TAF2: variants seen among roughly 807,000 people sequenced by gnomAD.
TAF2 encodes TATA-box binding protein associated factor 2.
In TAF2, 61 loss-of-function variants were observed where a neutral mutation model predicts 138.5. That is an observed-to-expected ratio of 0.44 (90% confidence interval 0.36 to 0.54). The LOEUF (loss-of-function observed/expected upper bound fraction) is 0.54, where lower values mean the gene tolerates loss of function less well. TAF2 is among the 20% of genes least tolerant of loss of function. The pLI, the probability that TAF2 is intolerant of heterozygous loss-of-function variation, is 0.00. For missense variants in TAF2, 1,090 were observed against 1,427.9 expected, an observed-to-expected ratio of 0.76 and a Z score of 3.81; for synonymous variants, 475 against 469.9, an observed-to-expected ratio of 1.01 and a Z score of -0.14.
chr8:119,742,719 A>AT lies in TAF2; in HGVS notation c.3215-64_3215-63insA, dbSNP rs1357802363. 3.8e-6 allele frequency: 6 copies of AT among 1,584,740 alleles called. No homozygotes were observed. The African/African-American group carries it at 4.1e-5, about 11-fold the overall frequency. The stretch of plus-strand genomic sequence containing the variant: ...TCTTTGTTTCCCAAAAGAAAAAAAA[A>AT]GGCTGACAGGTTTTTATAAGCTAGC... On this transcript the variant is annotated intron_variant, in intron 24 of 25. Transcript: ENST00000378164.
In TAF2 at chr8:119,758,103, A is replaced by G. The variant is rs753619496; in HGVS notation, c.2738T>C (p.Met913Thr). Residue 913 changes from methionine to threonine, a missense_variant, in exon 21 of 26, where the codon ATG becomes ACG. Coordinates refer to ENST00000378164, the MANE Select transcript of TAF2 (RefSeq NM_003184.4). Reference sequence around the variant, plus strand: ...ATAGGGTACAGGGTCATTCTGAATCATATTAAGTAGCCATTGCAGTTCTTC... The same window carrying G: ...ATAGGGTACAGGGTCATTCTGAATCGTATTAAGTAGCCATTGCAGTTCTTC... ...SYEELQWLLN[M>T]IQNDPVPYVR... 1.9e-6 allele frequency: 3 copies of G among 1,613,418 alleles called. No individual in the cohort carries two copies. Among genetic ancestry groups the G allele is most frequent in the Non-Finnish European group, 2.5e-6 (3 of 1,179,710 alleles).
chr8:119,777,972 T>C, intron 18 of TAF2, 47 bp downstream of exon 18: 2 of 1,017,030 alleles, frequency 2.0e-6, no homozygotes, highest in South Asian at 2.9e-5. Context: ...TTAAGAAAAT[T>C]ATCTAAGACA....
intron 22 of TAF2, among the ~76,000 whole-genome samples, chr8:119,749,363 C>G (rs1474218714): frequency 6.6e-6 from 1 of 151,952 alleles, no homozygotes; most frequent in African/African-American, 2.4e-5. Flanking sequence ...TTTCTGTCTT[C>G]TAAAAATGAA....
At position 119,801,994 on chromosome 8, in the gene TAF2, C is replaced by T. The variant is rs1213607388; in HGVS notation, c.592G>A (p.Glu198Lys). 2 of 1,613,942 alleles carry T rather than the reference C, an allele frequency of 1.2e-6. No homozygotes were observed. The highest frequency in any genetic ancestry group is 8.5e-7 in the Non-Finnish European group (1 of 1,179,964). ...FWFPCVDSYS[E>K]LCTWKLEFTV... ...AATTCTAATTTCCATGTACACAATT[C>T]AGAGTATGAATCAACACAAGGGAAC... Residue 198 changes from glutamate (E) to lysine (K), a missense_variant, in exon 6 of 26, where the codon GAA (glutamate) becomes AAA (lysine). Coordinates refer to ENST00000378164, the MANE Select transcript of TAF2 (RefSeq NM_003184.4).
intron 20 of TAF2, among the ~76,000 whole-genome samples, chr8:119,760,251 T>C (rs1387154570): frequency 1.3e-5 from 2 of 152,316 alleles, no homozygotes; most frequent in South Asian, 2.1e-4. Flanking sequence ...TCTAGTCCTC[T>C]ACTTTCACAG....
intron 2 of TAF2, 32 bp downstream of exon 2, chr8:119,831,645 T>C (rs751950334): frequency 2.0e-6 from 3 of 1,527,364 alleles, no homozygotes; most frequent in African/African-American, 2.7e-5. Context: ...AGTGGACTTG[T>C]TACTATTTAT....
intron 25 of TAF2, among the ~76,000 whole-genome samples, chr8:119,737,761 G>A (rs1819326693): frequency 1.3e-5 from 2 of 151,860 alleles, no homozygotes; most frequent in Admixed American, 6.6e-5. Flanking sequence ...CCCCACCTTG[G>A]CCTCCCAAAG....
In TAF2 at chr8:119,763,150, T is replaced by C. The variant is rs530370646; in HGVS notation, c.2365-542A>G. 5.9e-5 allele frequency among the ~76,000 whole-genome samples: 9 copies of C among 152,292 alleles called. No individual in the cohort carries two copies. The South Asian group carries it at 1.9e-3, about 32-fold the overall frequency. On this transcript the variant is annotated intron_variant, in intron 18 of 25. Coordinates refer to ENST00000378164, the MANE Select transcript of TAF2 (RefSeq NM_003184.4). Reference sequence around the variant, plus strand: ...ATCTGCCCGCTATTGACTTCTATTGTGGAGGCAGAAGCTCACACTGACACA... The same window carrying C: ...ATCTGCCCGCTATTGACTTCTATTGCGGAGGCAGAAGCTCACACTGACACA...
intron 11 of TAF2, among the ~76,000 whole-genome samples, 194 bp from the exon 12 acceptor site, chr8:119,789,940 T>C (rs578000365): frequency 9.1e-4 from 139 of 152,144 alleles, no homozygotes; most frequent in Non-Finnish European, 7.1e-4. Flanking sequence ...TACAAAACCA[T>C]TCTTCATATA....
chr8:119,747,066 T>C (rs1820028307), intron 22 of TAF2, 132 bp from the exon 23 acceptor site: 1 of 923,222 alleles, frequency 1.1e-6, no homozygotes, highest in Non-Finnish European at 1.7e-6. Flanking sequence ...TCTTACAAAA[T>C]GAATACTAGA....
chr8:119,767,710 GC>G (rs1348919696), intron 18 of TAF2, among the ~76,000 whole-genome samples: 1 of 152,244 alleles, frequency 6.6e-6, no homozygotes, highest in Non-Finnish European at 1.5e-5. Flanking sequence ...GTACAGAGCA[GC>G]AGGCAGACAG....
Position 119,797,680 on chromosome 8 carries a change from G to A in TAF2, c.959C>T (p.Ala320Val), listed in dbSNP as rs1823926674. The change falls in exon 7 of 26, where the codon GCT becomes GTT. Residue 320 changes from alanine (A) to valine (V), a missense_variant. By Grantham distance (64) the Ala-to-Val change is moderately conservative. Transcript: ENST00000378164. ...DEAYVEVAAY[A>V]SMSIFSTNLL... ...TACCAACCTAAAAATGCTCATGGAAGCATAAGCAGCCACTTCAACATAAGC... is the reference window on the plus strand; with the variant it reads ...TACCAACCTAAAAATGCTCATGGAAACATAAGCAGCCACTTCAACATAAGC... The A allele has an allele frequency of 6.2e-7, 1 of 1,612,990 alleles. No homozygotes were observed. The highest frequency in any genetic ancestry group is 1.7e-5 in the Admixed American group (1 of 59,970).
chr8:119,763,738 C>T lies in TAF2; in HGVS notation c.2365-1130G>A, dbSNP rs1465122216. ...GAGCAGGACTCCGTCTCAAGTGAGC[C>T]GAGACTGCACCACTGTACTCTATTT... On this transcript the variant is annotated intron_variant, in intron 18 of 25. Coordinates refer to ENST00000378164, the MANE Select transcript of TAF2 (RefSeq NM_003184.4). Among the ~76,000 whole-genome samples, 5 of 151,612 alleles carry T rather than the reference C, an allele frequency of 3.3e-5. No individual in the cohort carries two copies. In the South Asian group the frequency reaches 6.3e-4, roughly 19 times the overall value.
intron 20 of TAF2, among the ~76,000 whole-genome samples, chr8:119,759,450 A>G (rs1433946803): frequency 6.6e-6 from 1 of 152,118 alleles, no homozygotes; most frequent in Non-Finnish European, 1.5e-5. Context: ...CTCCTTCCAC[A>G]GTCAGATAAA....
At chr8:119,770,484 T>A (rs1319892241) in intron 18 of TAF2, among the ~76,000 whole-genome samples, 1 of 152,152 alleles carries the variant, frequency 6.6e-6, no homozygotes, top group African/African-American at 2.4e-5. Context: ...GAATTTTATA[T>A]CCTGCCAAAC....
intron 9 of TAF2, among the ~76,000 whole-genome samples, chr8:119,793,916 G>C (rs1823628666): frequency 6.6e-6 from 1 of 150,506 alleles, no homozygotes; most frequent in Non-Finnish European, 1.5e-5. Flanking sequence ...AAAAAAAGGG[G>C]GGGTTGGGGG....
At chr8:119,827,165 G>T (rs1826154679) in intron 2 of TAF2, among the ~76,000 whole-genome samples, 1 of 152,158 alleles carries the variant, frequency 6.6e-6, no homozygotes, top group Non-Finnish European at 1.5e-5. Context: ...CTGCACTCCA[G>T]CCTAGGCGAC....
At chr8:119,823,734 A>G (rs1032697820) in intron 2 of TAF2, among the ~76,000 whole-genome samples, 7 of 152,264 alleles carry the variant, frequency 4.6e-5, no homozygotes, top group Admixed American at 3.3e-4. Flanking sequence ...ACTAGGTAAT[A>G]GGCAGAGGTT....
chr8:119,745,793 G>A (rs1367135010), intron 23 of TAF2, among the ~76,000 whole-genome samples: 1 of 130,300 alleles, frequency 7.7e-6, no homozygotes, highest in Non-Finnish European at 1.6e-5. Context: ...AAAGGCAAAC[G>A]AATGTGTGTG....
Sources: gnomAD v4.1 joint callset for allele counts (sites outside exome capture counted in the v4.1 genomes callset) on GRCh38, gnomAD v4.1.1 for gene constraint, MANE v1.5 for transcripts, NCBI Gene and HGNC (gene_info 2026-07-23, HGNC 2026-07-21) for gene names.